The following GSG1L2 variants were observed in gnomAD, a reference collection of about 807,000 sequenced individuals.
GSG1L2 encodes the protein GSG1 like 2.
GSG1L2 carries 15 observed loss-of-function variants against 9.0 expected under a neutral mutation model. That is an observed-to-expected ratio of 1.67 (90% CI 1.12 to 2.57). The LOEUF is 2.57. Ranked by LOEUF, GSG1L2 falls within the 30% of genes most tolerant of loss-of-function variation. GSG1L2 has a pLI of 0.00. For missense variants in GSG1L2, 286 were observed against 150.3 expected, an observed-to-expected ratio of 1.90 and a Z score of -4.72; for synonymous variants, 127 against 57.9, an observed-to-expected ratio of 2.19 and a Z score of -5.41.
chr17:9,818,285 G>C (rs1293662884), intron 1 of GSG1L2, among the ~76,000 whole-genome samples: 2 of 152,082 alleles, frequency 1.3e-5, no homozygotes, highest in African/African-American at 4.8e-5. Flanking sequence ...GGGAGCAAGA[G>C]AGAGAAGGGG....
intron 1 of GSG1L2, 27 bp downstream of exon 1, chr17:9,821,735 T>A: frequency 1.4e-6 from 1 of 699,134 alleles, no homozygotes; most frequent in Non-Finnish European, 2.6e-6. Context: ...GCACCTGTCT[T>A]CCCCAGAATC....
rs1465208236 is a variant in GSG1L2, at chr17:9,802,633, C to T, written c.635G>A (p.Gly212Asp). The change falls in exon 5 of 5, where the codon GGT (glycine) becomes GAT (aspartate). Residue 212 changes from glycine (G) to aspartate (D), a missense_variant. Coordinates refer to ENST00000399363, the MANE Select transcript of GSG1L2 (RefSeq NM_001310219.2). Reference protein sequence around the residue: ...DYGWSYCLAWGSFALCLAVSV... With the variant: ...DYGWSYCLAWDSFALCLAVSV... ...CACAGCCAGGCAGAGGGCGAAAGAA[C>T]CCCAGGCAAGGCTGTCAACAGAAGG... The T allele has an allele frequency of 1.4e-6, 1 of 702,838 alleles. No homozygotes were observed. Among genetic ancestry groups the T allele is most frequent in the Non-Finnish European group, 2.6e-6 (1 of 384,956 alleles). The allele number at this position is 702,838 out of a possible 1,614,324, so 43.5% of individuals were successfully genotyped here.
intron 2 of GSG1L2, chr17:9,809,674 G>C (rs983874544): frequency 2.0e-5 from 3 of 152,384 alleles, no homozygotes; most frequent in Non-Finnish European, 2.9e-5. Flanking sequence ...GCTTTACAGA[G>C]TGCTGATTGG....
chr17:9,808,800 G>C (rs1264345782), intron 3 of GSG1L2, 30 bp downstream of exon 3: 3 of 701,780 alleles, frequency 4.3e-6, no homozygotes, highest in Non-Finnish European at 7.8e-6. Flanking sequence ...CTCTGGGGCA[G>C]CCTGTTCCAA....
chr17:9,820,816 A>G lies in GSG1L2; in HGVS notation c.310+946T>C, dbSNP rs1304823724. Among the ~76,000 whole-genome samples, 2 of 152,010 alleles carry G rather than the reference A, an allele frequency of 1.3e-5. No individual in the cohort carries two copies. Among genetic ancestry groups the G allele is most frequent in the African/African-American group, 2.4e-5 (1 of 41,374 alleles). On this transcript the variant is annotated intron_variant, in intron 1 of 4. Transcript: ENST00000399363. The surrounding 1 kb of genome is among the most constrained non-coding windows in gnomAD (Gnocchi z 4.9). Reference sequence around the variant, plus strand: ...CAGGCACACCCCACCATGTCCAGCTAATTTTTTAAAAAAACCTTTTGTAAA... The same window carrying G: ...CAGGCACACCCCACCATGTCCAGCTGATTTTTTAAAAAAACCTTTTGTAAA...
chr17:9,802,499 C>G lies in GSG1L2; in HGVS notation c.769G>C (p.Ala257Pro). The stretch of plus-strand genomic sequence containing the variant: ...CCTGTTTTCCAAATGCTCTCCGAAG[C>G]CTCGGGTTCCAGGAAGCTGTGTTGA... ...HSQHSFLEPE[A>P]SESIWKTGAA... is the part of the protein sequence containing the mutation. The change falls in exon 5 of 5, where the codon GCT (alanine) becomes CCT (proline). Residue 257 changes from alanine (A) to proline (P), a missense_variant. Ala to Pro is a conservative substitution (Grantham distance 27, BLOSUM62 -1). Transcript: ENST00000399363. 1 of 702,622 alleles carries G rather than the reference C, an allele frequency of 1.4e-6. No individual in the cohort carries two copies. Among genetic ancestry groups the G allele is most frequent in the East Asian group, 2.7e-5 (1 of 37,238 alleles). 43.5% of individuals were successfully genotyped at this position (702,622 alleles called of 1,614,324 possible). A position where few individuals can be genotyped will look rare whatever the true frequency, so the allele number is the denominator to read the frequency against.
chr17:9,809,120 G>A (rs1381856167), intron 2 of GSG1L2, 138 bp from the exon 3 acceptor site: 3 of 623,996 alleles, frequency 4.8e-6, no homozygotes, highest in Non-Finnish European at 8.7e-6. Flanking sequence ...AGATGCCTCT[G>A]CTGAATCTTA....
chr17:9,810,705 G>A lies in GSG1L2; in HGVS notation c.311-87C>T, dbSNP rs1398870612. 1.6e-5 allele frequency: 11 copies of A among 695,654 alleles called. No homozygotes were observed. In the South Asian group the frequency reaches 1.7e-4, roughly 11 times the overall value. 43.1% of individuals were successfully genotyped at this position (695,654 alleles called of 1,614,324 possible). The stretch of plus-strand genomic sequence containing the variant: ...TGAATTTCTAGCCCCTTAACTGGAT[G>A]AGGAATGGGGAGTGTGCAGACTGCT... On this transcript the variant is annotated intron_variant, in intron 1 of 4. Transcript: ENST00000399363.
intron 1 of GSG1L2, among the ~76,000 whole-genome samples, chr17:9,812,939 A>G (rs536430869): frequency 1.3e-5 from 2 of 152,290 alleles, no homozygotes; most frequent in African/African-American, 4.8e-5. Context: ...GCACGGCAGA[A>G]AGAGATCTGG....
At chr17:9,807,869 T>C (rs1046533102) in intron 3 of GSG1L2, 1 of 357,906 alleles carries the variant, frequency 2.8e-6, no homozygotes, top group Non-Finnish European at 5.3e-6. Context: ...GATCAGAAAT[T>C]GGATTTTATC....
chr17:9,815,928 G>A (rs1237241499), intron 1 of GSG1L2, among the ~76,000 whole-genome samples: 1 of 152,172 alleles, frequency 6.6e-6, no homozygotes, highest in Admixed American at 6.5e-5. Context: ...ATCCATTCAT[G>A]AATTAATGGG....
At chr17:9,803,055 T>A (rs914338835) in intron 4 of GSG1L2, among the ~76,000 whole-genome samples, 1 of 152,078 alleles carries the variant, frequency 6.6e-6, no homozygotes, top group Admixed American at 6.6e-5. Context: ...TCCAGATTAT[T>A]GCTGTTGTTG....
At chr17:9,816,868 G>GTGTGTA (rs879425798) in intron 1 of GSG1L2, among the ~76,000 whole-genome samples, 74,357 of 143,036 alleles carry the variant, frequency 0.52, 20,110 homozygotes, top group East Asian at 0.99. Flanking sequence ...GTATGTGTGT[G>GTGTGTA]TCTGTGTGTG....
chr17:9,803,901 G>C (rs1597938900), intron 4 of GSG1L2: 2 of 152,226 alleles, frequency 1.3e-5, no homozygotes, highest in East Asian at 3.9e-4. Context: ...TGACTTGCGA[G>C]ACTTTGCTGC....
At chr17:9,813,291 T>C (rs1399311662) in intron 1 of GSG1L2, among the ~76,000 whole-genome samples, 2 of 152,116 alleles carry the variant, frequency 1.3e-5, no homozygotes, top group Non-Finnish European at 2.9e-5. Context: ...GAAACTCAGG[T>C]TGGGGTGATG....
At chr17:9,806,036 G>A (rs1212762105) in intron 4 of GSG1L2, among the ~76,000 whole-genome samples, 6 of 152,208 alleles carry the variant, frequency 3.9e-5, no homozygotes, top group African/African-American at 1.4e-4. Context: ...CTGAGAGGTG[G>A]CCTTTTGATG....
At chr17:9,810,253 GTGT>G (rs1476720954) in intron 2 of GSG1L2, 1 of 434,872 alleles carries the variant, frequency 2.3e-6, no homozygotes, top group African/African-American at 2.0e-5. Context: ...TCAGAGCTCT[GTGT>G]TCATCTTGCA....
At chr17:9,813,743 C>T (rs908020723) in intron 1 of GSG1L2, among the ~76,000 whole-genome samples, 2 of 152,210 alleles carry the variant, frequency 1.3e-5, no homozygotes, top group South Asian at 2.1e-4. Flanking sequence ...ATGTTGGCAG[C>T]AGATGGATAC....
chr17:9,810,570 C>T lies in GSG1L2; in HGVS notation c.358+1G>A, dbSNP rs2066535149. On this transcript the variant is annotated splice_donor_variant, in intron 2 of 4. Coordinates refer to ENST00000399363, the MANE Select transcript of GSG1L2 (RefSeq NM_001310219.2). LOFTEE classifies it high-confidence loss of function. ...GGGCAGAGTGTGAGTAAGGTATTTACCTTGTTCTTCAGCTGGCACTACACT... is the reference window on the plus strand; with the variant it reads ...GGGCAGAGTGTGAGTAAGGTATTTATCTTGTTCTTCAGCTGGCACTACACT... The T allele has an allele frequency of 1.4e-6, 1 of 702,976 alleles. No individual in the cohort carries two copies. The highest frequency in any genetic ancestry group is 1.5e-5 in the South Asian group (1 of 67,594). 43.5% of individuals were successfully genotyped at this position (702,976 alleles called of 1,614,324 possible). A position where few individuals can be genotyped will look rare whatever the true frequency, so the allele number is the denominator to read the frequency against.
Sources: allele counts gnomAD v4.1 joint callset (sites outside exome capture counted in the v4.1 genomes callset), GRCh38; gene constraint gnomAD v4.1.1; non-coding constraint Gnocchi (gnomAD v3.1); transcripts MANE v1.5; gene names NCBI Gene and HGNC (gene_info 2026-07-23, HGNC 2026-07-21).